Variants in AP1M1 observed in about 807,000 individuals in gnomAD.
AP1M1 encodes AP-1 complex subunit mu-1.
AP1M1 carries 18 observed loss-of-function variants against 57.1 expected under a neutral mutation model. That is an observed-to-expected ratio of 0.32 (90% CI 0.22 to 0.47). AP1M1 has a LOEUF of 0.47. Among genes scored for constraint, AP1M1 ranks in the 20% least tolerant of loss-of-function variants. AP1M1 has a pLI of 1.00. For missense variants in AP1M1, 362 were observed against 593.5 expected, an observed-to-expected ratio of 0.61 and a Z score of 4.05; for synonymous variants, 241 against 237.9, an observed-to-expected ratio of 1.01 and a Z score of -0.12.
At position 16,240,733 on chromosome 19, in the gene AP1M1, AGC is replaced by A. The variant is rs2091642768; in HGVS notation, c.*6299_*6300del. The A allele has an allele frequency of 1.3e-5, 2 of 152,264 alleles. No individual in the cohort carries two copies. Among genetic ancestry groups the A allele is most frequent in the African/African-American group, 2.4e-5 (1 of 41,550 alleles). 9.4% of individuals were successfully genotyped at this position (152,264 alleles called of 1,614,324 possible). A position where few individuals can be genotyped will look rare whatever the true frequency, so the allele number is the denominator to read the frequency against. ...CCAAAGTGCTGGGATTACAGGCATG[AGC>A]CACTGCGCCCAGCCTGAAAATCTTG... On this transcript the variant is annotated 3_prime_UTR_variant, in exon 12 of 12. Transcript: ENST00000291439.
chr19:16,210,968 T>A (rs2091490836), intron 5 of AP1M1, among the ~76,000 whole-genome samples: 2 of 152,234 alleles, frequency 1.3e-5, no homozygotes, highest in Non-Finnish European at 2.9e-5. Context: ...TTAGCATTTT[T>A]AAATTGGGTT....
rs962572711 is a variant in AP1M1, at chr19:16,206,581, T to C, written c.267+173T>C. 17 of 680,584 alleles carry C rather than the reference T, an allele frequency of 2.5e-5. No individual in the cohort carries two copies. Among genetic ancestry groups the C allele is most frequent in the African/African-American group, 2.0e-4 (11 of 55,600 alleles). The allele number at this position is 680,584 out of a possible 1,614,324, so 42.2% of individuals were successfully genotyped here. ...TCCCAACTCCCCACGCCTGTGGAAT[T>C]CTATAGCTCACGTTGCTCCCCTACC... On this transcript the variant is annotated intron_variant, in intron 3 of 11. Coordinates refer to ENST00000291439, the MANE Select transcript of AP1M1 (RefSeq NM_032493.4). This position sits in a 1 kb window ranked among gnomAD's most constrained non-coding sequence, Gnocchi z 4.3.
rs542064811 is a variant in AP1M1, at chr19:16,241,571, G to A, written c.*7136G>A. On this transcript the variant is annotated 3_prime_UTR_variant, in exon 12 of 12. Coordinates refer to ENST00000291439, the MANE Select transcript of AP1M1 (RefSeq NM_032493.4). ...CCTTTCAAGGTCACTATGCTATTTG[G>A]GAGGAGATTCGGCTAAAGTCCACGA... 4 of 152,258 alleles carry A rather than the reference G, an allele frequency of 2.6e-5. No homozygotes were observed. In the East Asian group the frequency reaches 7.7e-4, roughly 29 times the overall value. The allele number at this position is 152,258 out of a possible 1,614,324, so 9.4% of individuals were successfully genotyped here. A position where few individuals can be genotyped will look rare whatever the true frequency, so the allele number is the denominator to read the frequency against.
chr19:16,218,536 T>C (rs2091528653), intron 5 of AP1M1, among the ~76,000 whole-genome samples: 1 of 152,168 alleles, frequency 6.6e-6, no homozygotes, highest in Non-Finnish European at 1.5e-5. Context: ...CCTCCTCCTC[T>C]GCCTTCCATC....
intron 2 of AP1M1, among the ~76,000 whole-genome samples, chr19:16,204,593 G>A (rs892299476): frequency 6.6e-6 from 1 of 152,218 alleles, no homozygotes; most frequent in African/African-American, 2.4e-5. Flanking sequence ...GGCCTTGCCA[G>A]TACAGTGTGG....
chr19:16,217,466 A>G (rs910761432), intron 5 of AP1M1, among the ~76,000 whole-genome samples: 25 of 152,258 alleles, frequency 1.6e-4, no homozygotes, highest in African/African-American at 6.0e-4. Context: ...AAAACTGCAC[A>G]GGGGAGGCTG....
At position 16,227,091 on chromosome 19, in the gene AP1M1, C is replaced by T. The variant is rs1051489739; in HGVS notation, c.674-457C>T. On this transcript the variant is annotated intron_variant, in intron 6 of 11. Coordinates refer to ENST00000291439, the MANE Select transcript of AP1M1 (RefSeq NM_032493.4). This position sits in a 1 kb window ranked among gnomAD's most constrained non-coding sequence, Gnocchi z 6.2. ...CGTTCCTAGCCCGGTGAGGGCTTCT[C>T]GGGCATCAGTCTATCAGGGCAGCTC... Among the ~76,000 whole-genome samples the T allele has an allele frequency of 6.6e-6, 1 of 152,134 alleles. No homozygotes were observed.
At position 16,203,663 on chromosome 19, in the gene AP1M1, GGT is replaced by G. The variant is rs752286238; in HGVS notation, c.199+56_199+57del. 2.9e-5 allele frequency: 45 copies of G among 1,557,190 alleles called. No individual in the cohort carries two copies. The African/African-American group carries it at 5.7e-4, about 20-fold the overall frequency. On this transcript the variant is annotated intron_variant, in intron 2 of 11. Transcript: ENST00000291439. This position sits in a 1 kb window ranked among gnomAD's most constrained non-coding sequence, Gnocchi z 4.6. The stretch of plus-strand genomic sequence containing the variant: ...CCCAGGGGACTCCTGTGTGGGTGTT[GGT>G]GTGTGTGCATATCCACACGCCTGCA...
chr19:16,198,125 G>C, intron 1 of AP1M1, 57 bp downstream of exon 1: 1 of 1,582,166 alleles, frequency 6.3e-7, no homozygotes. Flanking sequence ...GCCTCCGCCC[G>C]CGGGGACCCA....
Position 16,228,160 on chromosome 19 carries a change from G to A in AP1M1, c.840G>A (p.Glu280=), listed in dbSNP as rs753831628. ...NTHVKPLIWI[E]SVIEKHSHSR... ...AGGTCAAGCCTTTGATATGGATCGAGTCGGTGATCGAGAAGCACTCCCACA... is the reference window on the plus strand; with the variant it reads ...AGGTCAAGCCTTTGATATGGATCGAATCGGTGATCGAGAAGCACTCCCACA... The change falls in exon 8 of 12, where the codon GAG becomes GAA. Residue 280 remains glutamate (E), a synonymous_variant. Transcript: ENST00000291439. The surrounding 1 kb of genome is among the most constrained non-coding windows in gnomAD (Gnocchi z 5.0). 1.2e-6 allele frequency: 2 copies of A among 1,613,918 alleles called. No homozygotes were observed. Among genetic ancestry groups the A allele is most frequent in the South Asian group, 2.2e-5 (2 of 91,086 alleles).
intron 5 of AP1M1, among the ~76,000 whole-genome samples, chr19:16,211,343 C>T (rs2091492593): frequency 6.6e-6 from 1 of 152,122 alleles, no homozygotes; most frequent in African/African-American, 2.4e-5. Flanking sequence ...ATCTGCCTTC[C>T]TCGGCCTCCC....
At position 16,227,780 on chromosome 19, in the gene AP1M1, GC is replaced by G; in HGVS notation, c.816+94del. The G allele has an allele frequency of 6.8e-7, 1 of 1,479,476 alleles. No homozygotes were observed. The highest frequency in any genetic ancestry group is 9.2e-7 in the Non-Finnish European group (1 of 1,082,350). 91.6% of individuals were successfully genotyped at this position (1,479,476 alleles called of 1,614,324 possible). On this transcript the variant is annotated intron_variant, in intron 7 of 11. Transcript: ENST00000291439. This position sits in a 1 kb window ranked among gnomAD's most constrained non-coding sequence, Gnocchi z 6.2. ...GAAGCCCAGGCAGGCGCCAGGGCCA[GC>G]CCCACCCCACGCTCCATGAGCTGCC... is the stretch of plus-strand genomic sequence containing the variant.
chr19:16,217,436 G>C (rs2091523621), intron 5 of AP1M1, among the ~76,000 whole-genome samples: 1 of 152,206 alleles, frequency 6.6e-6, no homozygotes, highest in South Asian at 2.1e-4. Context: ...GAGGGTGCCT[G>C]TGGGCAAGAA....
chr19:16,232,806 C>T (rs1019989748), intron 9 of AP1M1, among the ~76,000 whole-genome samples: 2 of 152,228 alleles, frequency 1.3e-5, no homozygotes, highest in Non-Finnish European at 2.9e-5. Flanking sequence ...ATCGTGCCCC[C>T]GACTGCTCAG....
chr19:16,221,581 C>T (rs931902809), intron 5 of AP1M1, among the ~76,000 whole-genome samples: 1 of 152,222 alleles, frequency 6.6e-6, no homozygotes, highest in African/African-American at 2.4e-5. Flanking sequence ...TTATATCTAA[C>T]ATCCCTTACA....
At position 16,207,941 on chromosome 19, in the gene AP1M1, T is replaced by C; in HGVS notation, c.268-78T>C. ...AGGACTTAGCGGGCAAATGAATGTGTGCAAGCGTTCATTCATTCCTCATCC... is the reference window on the plus strand; with the variant it reads ...AGGACTTAGCGGGCAAATGAATGTGCGCAAGCGTTCATTCATTCCTCATCC... On this transcript the variant is annotated intron_variant, in intron 3 of 11. Transcript: ENST00000291439. This position sits in a 1 kb window ranked among gnomAD's most constrained non-coding sequence, Gnocchi z 4.2. 1 of 1,517,196 alleles carries C rather than the reference T, an allele frequency of 6.6e-7. No individual in the cohort carries two copies. Among genetic ancestry groups the C allele is most frequent in the Non-Finnish European group, 8.9e-7 (1 of 1,117,424 alleles). The allele number at this position is 1,517,196 out of a possible 1,614,324, so 94.0% of individuals were successfully genotyped here.
intron 5 of AP1M1, among the ~76,000 whole-genome samples, chr19:16,211,239 G>A (rs894623827): frequency 2.6e-5 from 4 of 151,860 alleles, no homozygotes; most frequent in South Asian, 2.1e-4. Flanking sequence ...GATTACAGAC[G>A]CATGCCACCA....
chr19:16,208,099 GC>G lies in AP1M1; in HGVS notation c.349del (p.Leu117SerfsTer120). The G allele has an allele frequency of 6.2e-7, 1 of 1,613,938 alleles. No homozygotes were observed. Among genetic ancestry groups the G allele is most frequent in the South Asian group, 1.1e-5 (1 of 91,062 alleles). On this transcript the variant is annotated frameshift_variant, in exon 4 of 12. Transcript: ENST00000291439. LOFTEE classifies it high-confidence loss of function. ...FVIIYELLDE[L>X]MDFGYPQTTD... ...TTATCATCTACGAGCTGCTGGACGA[GC>G]TCATGGACTTCGGCTACCCCCAGAC...
chr19:16,204,799 C>T (rs2091462775), intron 2 of AP1M1, among the ~76,000 whole-genome samples: 1 of 149,790 alleles, frequency 6.7e-6, no homozygotes, highest in African/African-American at 2.5e-5. Context: ...CTCTGGAAGG[C>T]CCTGAGAATA....
Sources: allele counts gnomAD v4.1 joint callset (sites outside exome capture counted in the v4.1 genomes callset), GRCh38; gene constraint gnomAD v4.1.1; non-coding constraint Gnocchi (gnomAD v3.1); transcripts MANE v1.5; gene names NCBI Gene and HGNC (gene_info 2026-07-23, HGNC 2026-07-21).